THSD7B: variants seen among roughly 807,000 people sequenced by gnomAD.
The protein encoded by THSD7B is thrombospondin type-1 domain-containing protein 7B.
Under a neutral mutation model 213.6 loss-of-function variants are expected in THSD7B, and 138 were observed. The observed-to-expected ratio is 0.65, with a 90% CI of 0.56 to 0.74. The LOEUF is 0.74. Among genes scored for constraint, THSD7B ranks in the 30% least tolerant of loss-of-function variants. The pLI is 0.00. For missense variants in THSD7B, 1,931 were observed against 1,991.5 expected, an observed-to-expected ratio of 0.97 and a Z score of 0.58; for synonymous variants, 742 against 687.0, an observed-to-expected ratio of 1.08 and a Z score of -1.25.
intron 20 of THSD7B, 190 bp from the exon 21 acceptor site, chr2:137,642,298 A>AT (rs887172489): frequency 3.3e-6 from 2 of 597,268 alleles, no homozygotes; most frequent in African/African-American, 3.8e-5. Flanking sequence ...TCCTTTAAGC[A>AT]TTGTGAAAAC....
intron 2 of THSD7B, among the ~76,000 whole-genome samples, chr2:136,893,005 G>A (rs145995454): frequency 4.8e-4 from 73 of 152,116 alleles, no homozygotes; most frequent in African/African-American, 1.7e-3. Context: ...ATCATTTAAT[G>A]CTTTTAACTG....
intron 14 of THSD7B, among the ~76,000 whole-genome samples, chr2:137,438,878 G>A (rs1687343261): frequency 1.3e-5 from 2 of 152,104 alleles, no homozygotes; most frequent in Non-Finnish European, 2.9e-5. Flanking sequence ...AGGAACTTGA[G>A]ATGAGATCAT....
At chr2:137,538,292 TA>T (rs1211849571) in intron 15 of THSD7B, among the ~76,000 whole-genome samples, 3 of 151,602 alleles carry the variant, frequency 2.0e-5, no homozygotes, top group East Asian at 1.9e-4. Flanking sequence ...TAATATCAAT[TA>T]GGGGGAAGTA....
At chr2:137,253,628 G>C (rs753962742) in intron 10 of THSD7B, among the ~76,000 whole-genome samples, 1 of 152,136 alleles carries the variant, frequency 6.6e-6, no homozygotes, top group Non-Finnish European at 1.5e-5. Flanking sequence ...AGAGGTAAAT[G>C]AGTTGTTTTA....
intron 15 of THSD7B, among the ~76,000 whole-genome samples, chr2:137,538,143 G>A (rs996410055): frequency 6.6e-6 from 1 of 151,684 alleles, no homozygotes; most frequent in African/African-American, 2.4e-5. Flanking sequence ...GGGAATTTGA[G>A]TTCAGCTTCA....
rs577250208 is a variant in THSD7B, at chr2:136,911,516, G to A, written c.139+29199G>A. On this transcript the variant is annotated intron_variant, in intron 2 of 27. Coordinates refer to ENST00000409968, the MANE Select transcript of THSD7B (RefSeq NM_001316349.2). The stretch of plus-strand genomic sequence containing the variant: ...GATTCACTAACGTGAAAAATCAATA[G>A]CAGTTTCATTAAGGAAGGAAAGATA... 5.3e-5 allele frequency among the ~76,000 whole-genome samples: 8 copies of A among 152,272 alleles called. No homozygotes were observed. The South Asian group carries it at 1.5e-3, about 28-fold the overall frequency.
At chr2:137,488,560 A>G (rs1304324915) in intron 15 of THSD7B, among the ~76,000 whole-genome samples, 5 of 152,208 alleles carry the variant, frequency 3.3e-5, no homozygotes, top group African/African-American at 1.2e-4. Context: ...AATTAGAAGT[A>G]GAGGTTCTAG....
intron 14 of THSD7B, among the ~76,000 whole-genome samples, chr2:137,426,906 G>T (rs1687067857): frequency 6.6e-6 from 1 of 152,032 alleles, no homozygotes; most frequent in Non-Finnish European, 1.5e-5. Context: ...TCAATAAGGG[G>T]TTAATACCCA....
intron 7 of THSD7B, among the ~76,000 whole-genome samples, chr2:137,174,833 G>T (rs891579673): frequency 1.3e-5 from 2 of 152,100 alleles, no homozygotes; most frequent in African/African-American, 4.8e-5. Context: ...AATATGCATA[G>T]GTTATTCTTG....
intron 15 of THSD7B, among the ~76,000 whole-genome samples, chr2:137,456,325 G>C (rs1272129580): frequency 4.6e-5 from 7 of 152,116 alleles, no homozygotes; most frequent in Admixed American, 4.6e-4. Context: ...AATTTATATG[G>C]AGAAGTAGCT....
rs753882960 is a variant in THSD7B at position 137,012,551 on chromosome 2, C to CT, written c.140-43861dup. Among the ~76,000 whole-genome samples the CT allele has an allele frequency of 2.0e-3, 303 of 152,122 alleles. 1 individual carries two copies. The highest frequency in any genetic ancestry group is 5.7e-3 in the Admixed American group (87 of 15,286). The stretch of plus-strand genomic sequence containing the variant: ...CATGGAGAAGAGTACACATTCAATT[C>CT]TTTTTTTTGTCCAAATGCAGCTTAT... On this transcript the variant is annotated intron_variant, in intron 2 of 27. Transcript: ENST00000409968.
chr2:137,445,296 T>C (rs939692927), intron 14 of THSD7B, among the ~76,000 whole-genome samples: 6 of 151,902 alleles, frequency 3.9e-5, no homozygotes, highest in African/African-American at 7.2e-5. Flanking sequence ...TATCAAAGTA[T>C]CAGCACTGCA....
chr2:137,362,987 T>G (rs995470260), intron 12 of THSD7B, among the ~76,000 whole-genome samples: 1 of 152,080 alleles, frequency 6.6e-6, no homozygotes, highest in East Asian at 1.9e-4. Context: ...TAGTTGGGAG[T>G]AAAGCACTCC....
intron 14 of THSD7B, among the ~76,000 whole-genome samples, chr2:137,442,482 C>G (rs1209022841): frequency 1.4e-5 from 2 of 147,184 alleles, no homozygotes; most frequent in Admixed American, 6.8e-5. Context: ...CACAGGGTCT[C>G]TCACTATTCA....
chr2:137,516,056 A>G lies in THSD7B; in HGVS notation c.3139-47165A>G, dbSNP rs552828985. The stretch of plus-strand genomic sequence containing the variant: ...AATGCAATGGGAATAATTGGATCTC[A>G]AGTTGGCTAGGGCCAAGTGGCAGCA... On this transcript the variant is annotated intron_variant, in intron 15 of 27. Coordinates refer to ENST00000409968, the MANE Select transcript of THSD7B (RefSeq NM_001316349.2). 4.7e-3 allele frequency among the ~76,000 whole-genome samples: 720 copies of G among 152,284 alleles called. 7 individuals carry two copies. The highest frequency in any genetic ancestry group is 4.3e-3 in the Non-Finnish European group (294 of 68,016).
intron 1 of THSD7B, among the ~76,000 whole-genome samples, chr2:136,768,087 T>C (rs1228050105): frequency 6.6e-6 from 1 of 152,206 alleles, no homozygotes; most frequent in Admixed American, 6.5e-5. Context: ...CTTTCTGTTC[T>C]CTGCTGAGTG....
chr2:137,243,493 C>T (rs1573908150), intron 10 of THSD7B, among the ~76,000 whole-genome samples: 1 of 152,334 alleles, frequency 6.6e-6, no homozygotes, highest in South Asian at 2.1e-4. Context: ...TCAAGCAGAG[C>T]ATGGCTCTCT....
intron 2 of THSD7B, among the ~76,000 whole-genome samples, chr2:136,977,793 TTTTC>T (rs1435086182): frequency 1.2e-5 from 1 of 84,072 alleles, no homozygotes; most frequent in Non-Finnish European, 2.1e-5. Context: ...TCTTTTTTTC[TTTTC>T]TTTGTTTTTT....
intron 3 of THSD7B, among the ~76,000 whole-genome samples, chr2:137,071,794 A>C (rs1055831861): frequency 1.4e-4 from 22 of 152,190 alleles, no homozygotes; most frequent in Admixed American, 1.0e-3. Flanking sequence ...ATAAGGTGTA[A>C]GGAAGGGATC....
Sources: allele counts gnomAD v4.1 joint callset (sites outside exome capture counted in the v4.1 genomes callset), GRCh38; gene constraint gnomAD v4.1.1; transcripts MANE v1.5; gene names NCBI Gene and HGNC (gene_info 2026-07-23, HGNC 2026-07-21).